The following PCBP3 variants were observed in gnomAD, a reference collection of about 807,000 sequenced individuals.
The protein encoded by PCBP3 is poly(rC) binding protein 3.
In PCBP3, 25 loss-of-function variants were observed where a neutral mutation model predicts 52.7. The ratio of observed to expected loss-of-function variants is 0.47; its 90% CI spans 0.35 to 0.66. The LOEUF is 0.66. PCBP3 is among the 30% of genes least tolerant of loss of function. The pLI is 0.01. For synonymous variants in PCBP3, 162 were observed against 183.0 expected (o/e 0.89, Z 0.93); for missense variants, 391 against 490.3 (o/e 0.80, Z 1.91).
chr21:45,895,617 G>C (rs2095804087), intron 5 of PCBP3, among the ~76,000 whole-genome samples: 1 of 152,256 alleles, frequency 6.6e-6, no homozygotes, highest in South Asian at 2.1e-4. Context: ...GTGACACGAT[G>C]ACTGCAGACA....
chr21:45,832,944 G>A (rs756702370), intron 4 of PCBP3, among the ~76,000 whole-genome samples: 6 of 152,158 alleles, frequency 3.9e-5, no homozygotes, highest in Admixed American at 2.6e-4. Flanking sequence ...GTGAGAACTC[G>A]CTATCATGAG....
chr21:45,880,220 G>A lies in PCBP3; in HGVS notation c.11-15988G>A, dbSNP rs866116582. ...AGTCACGGCCAGCCTTCGAAAGCAG[G>A]ACTGTTGCCTGGTTCCCCAGTTGCC... On this transcript the variant is annotated intron_variant, in intron 5 of 17. Transcript: ENST00000681687. This position sits in a 1 kb window ranked among gnomAD's most constrained non-coding sequence, Gnocchi z 5.4. 2.0e-5 allele frequency among the ~76,000 whole-genome samples: 3 copies of A among 152,228 alleles called. No homozygotes were observed. The highest frequency in any genetic ancestry group is 4.4e-5 in the Non-Finnish European group (3 of 68,048).
At position 45,696,987 on chromosome 21, in the gene PCBP3, G is replaced by A. The variant is rs546488981; in HGVS notation, c.-200+28035G>A. ...GCAGGTGTGAAAAAGACAGAAAATG[G>A]CAAGTGCTGGTGAGGATGTGGAACA... On this transcript the variant is annotated intron_variant, in intron 2 of 17. Transcript: ENST00000681687. 1.2e-4 allele frequency among the ~76,000 whole-genome samples: 18 copies of A among 152,280 alleles called. 1 individual carries two copies. The South Asian group carries it at 3.7e-3, about 32-fold the overall frequency.
intron 17 of PCBP3, among the ~76,000 whole-genome samples, chr21:45,940,792 ACTGTACCACCAGCCCCCCAGCCAGGCACG>A: frequency 6.8e-6 from 1 of 146,906 alleles, no homozygotes; most frequent in East Asian, 2.0e-4. Flanking sequence ...CGCCAGGCAC[ACTGTACCACCAGCCCCCCAGCCAGGCACG>A]CTGTACCACC....
At chr21:45,855,548 G>A (rs1042943205) in intron 5 of PCBP3, among the ~76,000 whole-genome samples, 7 of 152,244 alleles carry the variant, frequency 4.6e-5, no homozygotes, top group African/African-American at 1.7e-4. Context: ...GCCCCTTAGA[G>A]TTGAAGCCTG....
At chr21:45,796,632 CA>C (rs2091932326) in intron 4 of PCBP3, among the ~76,000 whole-genome samples, 1 of 152,060 alleles carries the variant, frequency 6.6e-6, no homozygotes, top group African/African-American at 2.4e-5. Flanking sequence ...TCTGTGACCT[CA>C]GTTGTTTAGT....
At chr21:45,746,969 T>C (rs79075841) in intron 3 of PCBP3, among the ~76,000 whole-genome samples, 4,486 of 122,596 alleles carry the variant, frequency 0.037, 191 homozygotes, top group African/African-American at 0.082. Context: ...TCAGCATCGC[T>C]GTGTCAGTCC....
At chr21:45,935,488 A>C (rs967193985) in intron 16 of PCBP3, 183 bp downstream of exon 16, 1 of 695,618 alleles carries the variant, frequency 1.4e-6, no homozygotes, top group Non-Finnish European at 2.6e-6. Flanking sequence ...TGCCCATAAA[A>C]AGTTATGTGT....
intron 4 of PCBP3, among the ~76,000 whole-genome samples, chr21:45,767,279 TG>T (rs547844117): frequency 6.8e-4 from 104 of 152,232 alleles, no homozygotes; most frequent in African/African-American, 2.5e-3. Flanking sequence ...TTGCCCATGC[TG>T]GGTATTTAAT....
At chr21:45,785,254 T>A (rs1003121328) in intron 4 of PCBP3, among the ~76,000 whole-genome samples, 2 of 140,894 alleles carry the variant, frequency 1.4e-5, no homozygotes, top group Non-Finnish European at 3.0e-5. Flanking sequence ...GTGAGGAGCA[T>A]CTCCGCCCGG....
chr21:45,826,258 C>CAAAAAAA (rs10679763), intron 4 of PCBP3, among the ~76,000 whole-genome samples: 42 of 129,964 alleles, frequency 3.2e-4, no homozygotes, highest in African/African-American at 1.1e-3. Context: ...AACTCTGTCT[C>CAAAAAAA]AAAAAAAAAA....
chr21:45,709,763 A>G (rs2083706158), intron 2 of PCBP3, among the ~76,000 whole-genome samples: 1 of 152,168 alleles, frequency 6.6e-6, no homozygotes, highest in Non-Finnish European at 1.5e-5. Context: ...AGATTTCTTC[A>G]GTTTTCCCGT....
intron 5 of PCBP3, among the ~76,000 whole-genome samples, chr21:45,868,314 T>TTTCAGA (rs1186886131): frequency 3.3e-5 from 5 of 152,114 alleles, no homozygotes; most frequent in African/African-American, 9.7e-5. Context: ...CCCAGGGTCC[T>TTTCAGA]GCCTGCCCGG....
At chr21:45,728,329 G>T (rs1390246536) in intron 2 of PCBP3, among the ~76,000 whole-genome samples, 1 of 152,126 alleles carries the variant, frequency 6.6e-6, no homozygotes, top group Non-Finnish European at 1.5e-5. Flanking sequence ...TGTTTTCTCT[G>T]TATCTATTGA....
At chr21:45,796,449 TC>T (rs34108910) in intron 4 of PCBP3, among the ~76,000 whole-genome samples, 1 of 152,244 alleles carries the variant, frequency 6.6e-6, no homozygotes, top group Admixed American at 6.5e-5. Context: ...TGTTTGCACT[TC>T]CTTGTCTGTC....
rs2083310734 is a variant in PCBP3 at position 45,704,295 on chromosome 21, G to C, written c.-199-31097G>C. ...GAGAAGGGCCATCACTGCTGGGGTG[G>C]AGCAGAGCCCTCAGGAATGAGGGGA... On this transcript the variant is annotated intron_variant, in intron 2 of 17. Transcript: ENST00000681687. This position sits in a 1 kb window ranked among gnomAD's most constrained non-coding sequence, Gnocchi z 4.1. Among the ~76,000 whole-genome samples the C allele has an allele frequency of 6.6e-6, 1 of 152,160 alleles. No homozygotes were observed. Among genetic ancestry groups the C allele is most frequent in the Non-Finnish European group, 1.5e-5 (1 of 68,034 alleles).
chr21:45,897,154 G>A (rs1456704157), intron 6 of PCBP3, among the ~76,000 whole-genome samples: 1 of 152,360 alleles, frequency 6.6e-6, no homozygotes, highest in Non-Finnish European at 1.5e-5. Flanking sequence ...GCCCCTTTGA[G>A]ACAGTGCCAA....
intron 2 of PCBP3, among the ~76,000 whole-genome samples, chr21:45,694,776 G>A (rs1187846488): frequency 6.6e-6 from 1 of 152,112 alleles, no homozygotes; most frequent in Non-Finnish European, 1.5e-5. Flanking sequence ...CTATAGTAAA[G>A]ACAACAGAAT....
intron 1 of PCBP3, among the ~76,000 whole-genome samples, chr21:45,662,662 A>G (rs2080483051): frequency 1.3e-5 from 2 of 152,132 alleles, no homozygotes; most frequent in Non-Finnish European, 2.9e-5. Flanking sequence ...AAATAATATA[A>G]TAATCCCCGC....
Sources: gnomAD v4.1 joint callset for allele counts (sites outside exome capture counted in the v4.1 genomes callset) on GRCh38, gnomAD v4.1.1 for gene constraint, Gnocchi (gnomAD v3.1) non-coding constraint, MANE v1.5 for transcripts, NCBI Gene and HGNC (gene_info 2026-07-23, HGNC 2026-07-21) for gene names.